ANKRD28: variants seen among roughly 807,000 people sequenced by gnomAD.
ANKRD28 encodes serine/threonine-protein phosphatase 6 regulatory ankyrin repeat subunit A.
Under a neutral mutation model 126.5 loss-of-function variants are expected in ANKRD28, and 44 were observed. The ratio of observed to expected loss-of-function variants is 0.35; its 90% CI spans 0.27 to 0.45. The LOEUF is 0.45. ANKRD28 is among the 20% of genes least tolerant of loss of function. The pLI is 1.00. For missense variants in ANKRD28, 1,110 were observed against 1,316.6 expected, an observed-to-expected ratio of 0.84 and a Z score of 2.43; for synonymous variants, 442 against 468.5, an observed-to-expected ratio of 0.94 and a Z score of 0.73.
At chr3:15,752,882 A>G (rs971198057) in intron 3 of ANKRD28, among the ~76,000 whole-genome samples, 3 of 152,360 alleles carry the variant, frequency 2.0e-5, no homozygotes, top group South Asian at 4.1e-4. Context: ...GTCCCTAAGT[A>G]GTTGTGTGAT....
chr3:15,719,439 A>G (rs1194671087), intron 8 of ANKRD28, among the ~76,000 whole-genome samples: 11 of 152,256 alleles, frequency 7.2e-5, no homozygotes. Flanking sequence ...GATAAAATTA[A>G]TACAGAAACA....
At chr3:15,777,728 G>GTATT (rs980853949) in intron 2 of ANKRD28, among the ~76,000 whole-genome samples, 31 of 152,196 alleles carry the variant, frequency 2.0e-4, no homozygotes, top group African/African-American at 6.7e-4. Context: ...GAGAATGGTA[G>GTATT]TATTCTCTTA....
intron 4 of ANKRD28, among the ~76,000 whole-genome samples, chr3:15,741,900 C>T (rs2057054891): frequency 6.6e-6 from 1 of 151,852 alleles, no homozygotes; most frequent in African/African-American, 2.4e-5. Context: ...CCACGCCTGA[C>T]TGGTTTTCGT....
chr3:15,735,290 T>C, intron 6 of ANKRD28, 120 bp downstream of exon 6: 1 of 781,324 alleles, frequency 1.3e-6, no homozygotes, highest in Non-Finnish European at 1.9e-6. Context: ...GGCATCAAAC[T>C]CAGATACTGT....
At chr3:15,834,912 CAG>C (rs542887459) in intron 1 of ANKRD28, among the ~76,000 whole-genome samples, 7 of 152,094 alleles carry the variant, frequency 4.6e-5, no homozygotes, top group Non-Finnish European at 8.8e-5. Flanking sequence ...GAATTAAAAA[CAG>C]GGGTGGGCAA....
At chr3:15,732,903 A>T (rs1411434209) in intron 6 of ANKRD28, 1 of 152,272 alleles carries the variant, frequency 6.6e-6, no homozygotes, top group Non-Finnish European at 1.5e-5. Flanking sequence ...AGTGGCTCAC[A>T]CCTGTAATCC....
intron 14 of ANKRD28, among the ~76,000 whole-genome samples, chr3:15,704,601 T>C (rs1271088446): frequency 6.6e-6 from 1 of 152,198 alleles, no homozygotes; most frequent in Non-Finnish European, 1.5e-5. Context: ...AAATATTTCA[T>C]TGTTGCTTTG....
In ANKRD28 at chr3:15,853,696, C is replaced by A. The variant is rs2061701587; in HGVS notation, c.27+5681G>T. 6.6e-6 allele frequency among the ~76,000 whole-genome samples: 1 copy of A among 152,088 alleles called. No homozygotes were observed. The highest frequency in any genetic ancestry group is 6.5e-5 in the Admixed American group (1 of 15,272). On this transcript the variant is annotated intron_variant, in intron 1 of 27. Coordinates refer to the ANKRD28 transcript ENST00000399451. This position sits in a 1 kb window ranked among gnomAD's most constrained non-coding sequence, Gnocchi z 4.2. ...GTGTTAGCCAGGATGGTCTCGATCT[C>A]CTGACCTCATGATCCGCCCGCCTCG...
intron 4 of ANKRD28, among the ~76,000 whole-genome samples, chr3:15,747,696 TA>T (rs965166973): frequency 5.9e-5 from 9 of 152,228 alleles, no homozygotes; most frequent in East Asian, 1.9e-4. Flanking sequence ...GTTCTGTAAA[TA>T]TCTGTCAAGT....
chr3:15,718,357 T>C (rs562985485), intron 8 of ANKRD28, among the ~76,000 whole-genome samples: 126 of 152,332 alleles, frequency 8.3e-4, no homozygotes, highest in African/African-American at 2.9e-3. Context: ...CTTAAATATA[T>C]CTTAATGCCT....
intron 6 of ANKRD28, among the ~76,000 whole-genome samples, chr3:15,727,716 A>G (rs565865146): frequency 6.6e-6 from 1 of 152,318 alleles, no homozygotes; most frequent in East Asian, 1.9e-4. Context: ...AGCGAAGGAA[A>G]TAACTACAGA....
chr3:15,722,173 T>A (rs1377323369), intron 7 of ANKRD28, among the ~76,000 whole-genome samples: 1 of 152,128 alleles, frequency 6.6e-6, no homozygotes, highest in Admixed American at 6.5e-5. Flanking sequence ...TCTAAGATAT[T>A]CCTGATAAAA....
At chr3:15,788,249 A>G (rs1248590080) in intron 2 of ANKRD28, among the ~76,000 whole-genome samples, 2 of 152,172 alleles carry the variant, frequency 1.3e-5, no homozygotes, top group African/African-American at 2.4e-5. Context: ...TTATCTTTGT[A>G]TCACAGCTTA....
At chr3:15,749,095 GTTTTTGTTTTT>G (rs1188066773) in intron 4 of ANKRD28, among the ~76,000 whole-genome samples, 9 of 107,000 alleles carry the variant, frequency 8.4e-5, no homozygotes, top group African/African-American at 2.5e-4. Context: ...TCTATATTAT[GTTTTTGTTTTT>G]TTTTTTTTTT....
intron 4 of ANKRD28, among the ~76,000 whole-genome samples, chr3:15,742,328 T>C (rs1444698052): frequency 1.3e-5 from 2 of 149,370 alleles, no homozygotes; most frequent in Admixed American, 6.6e-5. Flanking sequence ...ATCTAGGAAG[T>C]GAGGAGCTTC....
At position 15,756,589 on chromosome 3, in the gene ANKRD28, C is replaced by T. The variant is rs9859587; in HGVS notation, c.281-4769G>A. The T allele has an allele frequency of 0.011, 8,781 of 782,422 alleles. 555 individuals are homozygous for T. In the African/African-American group the frequency reaches 0.14, roughly 13 times the overall value. The allele number at this position is 782,422 out of a possible 1,614,324, so 48.5% of individuals were successfully genotyped here. ...AAGGAACACTGGAGCAGGAGAGATA[C>T]GTGATCTCATAATGGCTGTATAACT... On this transcript the variant is annotated intron_variant, in intron 3 of 27. Transcript: ENST00000683139.
At chr3:15,787,031 T>G (rs2059814254) in intron 2 of ANKRD28, among the ~76,000 whole-genome samples, 1 of 152,128 alleles carries the variant, frequency 6.6e-6, no homozygotes, top group African/African-American at 2.4e-5. Flanking sequence ...TGAAGAGGGT[T>G]AATAATAACC....
chr3:15,685,124 A>G, intron 21 of ANKRD28, 102 bp downstream of exon 21: 1 of 1,204,838 alleles, frequency 8.3e-7, no homozygotes, highest in East Asian at 2.3e-5. Flanking sequence ...ATTATTCCCA[A>G]GGTTTTTGCT....
In ANKRD28 at chr3:15,812,981, CT is replaced by C. The variant is rs531214703; in HGVS notation, c.28-17676del. On this transcript the variant is annotated intron_variant, in intron 1 of 27. Transcript: ENST00000399451. The surrounding 1 kb of genome is among the most constrained non-coding windows in gnomAD (Gnocchi z 4.1). ...ACGGTGTGTTCCCAATAATCTACCCCTATCCTATCAGAAAACAGATGAATAA... is the reference window on the plus strand; with the variant it reads ...ACGGTGTGTTCCCAATAATCTACCCCATCCTATCAGAAAACAGATGAATAA... 2.8e-4 allele frequency among the ~76,000 whole-genome samples: 43 copies of C among 151,916 alleles called. No individual in the cohort carries two copies. The highest frequency in any genetic ancestry group is 2.1e-3 in the East Asian group (11 of 5,186).
Sources: allele counts gnomAD v4.1 joint callset (sites outside exome capture counted in the v4.1 genomes callset), GRCh38; gene constraint gnomAD v4.1.1; non-coding constraint Gnocchi (gnomAD v3.1); transcripts MANE v1.5; gene names NCBI Gene and HGNC (gene_info 2026-07-23, HGNC 2026-07-21).